The following KCNQ3 variants were observed in gnomAD, a reference collection of about 807,000 sequenced individuals.
KCNQ3 encodes the protein potassium voltage-gated channel subfamily KQT member 3.
KCNQ3 carries 30 observed loss-of-function variants against 92.5 expected under a neutral mutation model. The ratio of observed to expected loss-of-function variants is 0.32; its 90% CI spans 0.24 to 0.44. The LOEUF (loss-of-function observed/expected upper bound fraction) is 0.44, where lower values mean the gene tolerates loss of function less well. KCNQ3 is among the 20% of genes least tolerant of loss of function. The pLI, the probability that KCNQ3 is intolerant of heterozygous loss-of-function variation, is 1.00. For missense variants in KCNQ3, 913 were observed against 1,140.3 expected (o/e 0.80, Z 2.87); for synonymous variants, 450 against 468.8 (o/e 0.96, Z 0.52).
intron 1 of KCNQ3, among the ~76,000 whole-genome samples, chr8:132,301,122 G>C (rs988723946): frequency 2.6e-5 from 4 of 152,064 alleles, no homozygotes; most frequent in Non-Finnish European, 5.9e-5. Context: ...CCTTGCCTTA[G>C]GCCTTTTATT....
At chr8:132,351,840 G>A (rs1818877032) in intron 1 of KCNQ3, among the ~76,000 whole-genome samples, 1 of 152,178 alleles carries the variant, frequency 6.6e-6, no homozygotes, top group African/African-American at 2.4e-5. Context: ...GGTTCCAACA[G>A]ATGTGAATTT....
chr8:132,269,138 G>A (rs2125153), intron 1 of KCNQ3, among the ~76,000 whole-genome samples: 1 of 152,042 alleles, frequency 6.6e-6, no homozygotes, highest in South Asian at 2.1e-4. Flanking sequence ...AATATGTCTT[G>A]TGCAAATCAG....
At chr8:132,469,606 G>A (rs959261722) in intron 1 of KCNQ3, among the ~76,000 whole-genome samples, 1 of 151,998 alleles carries the variant, frequency 6.6e-6, no homozygotes, top group Non-Finnish European at 1.5e-5. Flanking sequence ...TCTTTTCCTT[G>A]CTTCCCTTGA....
intron 1 of KCNQ3, among the ~76,000 whole-genome samples, chr8:132,348,243 AT>A (rs1207127150): frequency 6.6e-6 from 1 of 152,152 alleles, no homozygotes; most frequent in Non-Finnish European, 1.5e-5. Context: ...ATAAGCCAGG[AT>A]ATGAACTGCC....
At chr8:132,154,202 T>TTTTTTTTTTTTTTG (rs1563775964) in intron 9 of KCNQ3, among the ~76,000 whole-genome samples, 6 of 133,222 alleles carry the variant, frequency 4.5e-5, no homozygotes, top group South Asian at 2.6e-4. Flanking sequence ...AGTTTTTTTT[T>TTTTTTTTTTTTTTG]TTTTTTTTTT....
At chr8:132,459,917 T>C (rs1822024548) in intron 1 of KCNQ3, among the ~76,000 whole-genome samples, 1 of 151,310 alleles carries the variant, frequency 6.6e-6, no homozygotes. Flanking sequence ...TATATCAGTA[T>C]GGGCTTGTGG....
At chr8:132,183,836 A>G (rs1218516622) in intron 3 of KCNQ3, among the ~76,000 whole-genome samples, 1 of 152,238 alleles carries the variant, frequency 6.6e-6, no homozygotes, top group East Asian at 1.9e-4. Flanking sequence ...ATTCTCAGCC[A>G]GCAACGGTGT....
chr8:132,276,567 G>C (rs1586888022), intron 1 of KCNQ3, among the ~76,000 whole-genome samples: 1 of 152,218 alleles, frequency 6.6e-6, no homozygotes, highest in East Asian at 1.9e-4. Flanking sequence ...GGCAGCGATG[G>C]GTATTTAAAA....
rs570391649 is a variant in KCNQ3, at chr8:132,138,070, T to C, written c.1569-54A>G. The C allele has an allele frequency of 7.0e-5, 111 of 1,593,196 alleles. No homozygotes were observed. The African/African-American group carries it at 1.4e-3, about 19-fold the overall frequency. ...ATCCCATGTGGAGAGTGCGGGGAGC[T>C]ATAACAGAAGGCTAGCAAACTCCAG... On this transcript the variant is annotated intron_variant, in intron 11 of 14. Transcript: ENST00000388996.
intron 1 of KCNQ3, among the ~76,000 whole-genome samples, chr8:132,434,302 T>A (rs543210626): frequency 6.6e-6 from 1 of 152,288 alleles, no homozygotes; most frequent in East Asian, 1.9e-4. Context: ...CCATCATCCA[T>A]CTCCTCCTCT....
intron 1 of KCNQ3, among the ~76,000 whole-genome samples, chr8:132,212,902 G>A (rs140709927): frequency 2.5e-4 from 38 of 152,300 alleles, no homozygotes; most frequent in African/African-American, 9.1e-4. Flanking sequence ...CCTGTAGGCA[G>A]GTGCCGCTGC....
intron 1 of KCNQ3, among the ~76,000 whole-genome samples, chr8:132,258,521 A>G (rs1479180440): frequency 6.6e-6 from 1 of 152,100 alleles, no homozygotes; most frequent in East Asian, 1.9e-4. Context: ...GTGCTTAGAG[A>G]AAAATTTACA....
intron 1 of KCNQ3, among the ~76,000 whole-genome samples, chr8:132,232,353 C>T (rs906048928): frequency 1.3e-5 from 2 of 152,122 alleles, no homozygotes; most frequent in African/African-American, 2.4e-5. Context: ...GGTTGTTGGA[C>T]CATTCCTTGA....
chr8:132,422,188 C>T (rs1465573949), intron 1 of KCNQ3, among the ~76,000 whole-genome samples: 1 of 152,158 alleles, frequency 6.6e-6, no homozygotes. Flanking sequence ...AATGACACCA[C>T]CATCTAATGC....
At chr8:132,267,975 C>G (rs1240553141) in intron 1 of KCNQ3, among the ~76,000 whole-genome samples, 1 of 152,190 alleles carries the variant, frequency 6.6e-6, no homozygotes, top group Non-Finnish European at 1.5e-5. Flanking sequence ...AGGGTTCACT[C>G]CTGCTGTTGT....
chr8:132,425,128 C>T (rs540623057), intron 1 of KCNQ3, among the ~76,000 whole-genome samples: 276 of 152,306 alleles, frequency 1.8e-3, no homozygotes, highest in Non-Finnish European at 3.4e-3. Context: ...TCAGCCCACA[C>T]AGTGGAGCTC....
chr8:132,406,063 G>A (rs570591101), intron 1 of KCNQ3, among the ~76,000 whole-genome samples: 24 of 152,204 alleles, frequency 1.6e-4, no homozygotes, highest in Non-Finnish European at 2.1e-4. Flanking sequence ...CATTTTTTGC[G>A]AACTGGGAGT....
In KCNQ3 at chr8:132,339,735, G is replaced by A. The variant is rs115115459; in HGVS notation, c.386+140412C>T. Among the ~76,000 whole-genome samples, 220 of 152,158 alleles carry A rather than the reference G, an allele frequency of 1.4e-3. 3 individuals carry two copies. The highest frequency in any genetic ancestry group is 5.0e-3 in the African/African-American group (207 of 41,530). On this transcript the variant is annotated intron_variant, in intron 1 of 14. Transcript: ENST00000388996. ...GCCTGCACTCTGTTTATGCCTCCCA[G>A]TGCTTTGCCATCACTATGAAGTCCA...
At chr8:132,304,195 G>C (rs1449153713) in intron 1 of KCNQ3, among the ~76,000 whole-genome samples, 1 of 152,140 alleles carries the variant, frequency 6.6e-6, no homozygotes, top group Non-Finnish European at 1.5e-5. Flanking sequence ...CACCTATTGG[G>C]TACGATGTAC....
Sources: allele counts gnomAD v4.1 joint callset (sites outside exome capture counted in the v4.1 genomes callset), GRCh38; gene constraint gnomAD v4.1.1; transcripts MANE v1.5; gene names NCBI Gene and HGNC (gene_info 2026-07-23, HGNC 2026-07-21).